TET2: variants seen among roughly 807,000 people sequenced by gnomAD.
TET2 encodes the protein tet methylcytosine dioxygenase 2.
In TET2, 299 loss-of-function variants were observed where a neutral mutation model predicts 142.9. The observed-to-expected ratio is 2.09, with a 90% CI of 1.90 to 2.30. The LOEUF (loss-of-function observed/expected upper bound fraction) is 2.30. TET2 is among the 30% of genes most tolerant of loss of function. The pLI, the probability that TET2 is intolerant of heterozygous loss-of-function variation, is 0.00. For missense variants in TET2, 2,418 were observed against 2,378.0 expected (o/e 1.02, Z -0.35); for synonymous variants, 819 against 849.0 (o/e 0.96, Z 0.61).
chr4:105,160,840 G>A (rs886460422), intron 1 of TET2, among the ~76,000 whole-genome samples: 1 of 152,094 alleles, frequency 6.6e-6, no homozygotes, highest in African/African-American at 2.4e-5. Context: ...GAAGCGGAGC[G>A]ATCTGGGCTC....
chr4:105,203,406 G>A (rs1444906474), intron 2 of TET2, among the ~76,000 whole-genome samples: 1 of 152,084 alleles, frequency 6.6e-6, no homozygotes, highest in Non-Finnish European at 1.5e-5. Flanking sequence ...TTTTAAAAAT[G>A]TTCTAAACAG....
At chr4:105,191,478 T>A (rs561818743) in intron 2 of TET2, among the ~76,000 whole-genome samples, 13 of 152,308 alleles carry the variant, frequency 8.5e-5, no homozygotes, top group African/African-American at 2.9e-4. Context: ...CAGGAGAGAC[T>A]CTGGATTAGA....
chr4:105,241,472 T>C, intron 4 of TET2, 43 bp downstream of exon 4: 4 of 1,520,482 alleles, frequency 2.6e-6, no homozygotes, highest in Non-Finnish European at 3.5e-6. Context: ...GTTTATCCTT[T>C]TGTATATGTC....
chr4:105,164,503 T>C, intron 1 of TET2, among the ~76,000 whole-genome samples: 1 of 152,230 alleles, frequency 6.6e-6, no homozygotes, highest in Non-Finnish European at 1.5e-5. Flanking sequence ...AAATATTTGT[T>C]TATTCTTCAA....
At chr4:105,187,289 A>G (rs1725515212) in intron 1 of TET2, among the ~76,000 whole-genome samples, 1 of 152,204 alleles carries the variant, frequency 6.6e-6, no homozygotes, top group South Asian at 2.1e-4. Flanking sequence ...CAGAAGGTAA[A>G]AACTCCTCTG....
Position 105,235,324 on chromosome 4 carries a change from A to G in TET2, c.1382A>G (p.Gln461Arg). 6.2e-7 allele frequency: 1 copy of G among 1,613,890 alleles called. No individual in the cohort carries two copies. Among genetic ancestry groups the G allele is most frequent in the Non-Finnish European group, 8.5e-7 (1 of 1,179,936 alleles). Residue 461 changes from glutamine to arginine, a missense_variant, in exon 3 of 11, where the codon CAG becomes CGG. Coordinates refer to ENST00000380013, the MANE Select transcript of TET2 (RefSeq NM_001127208.3). ...IEGKPEAPPSQSPNPSTHVCS... is the reference protein window; with the variant it reads ...IEGKPEAPPSRSPNPSTHVCS... ...GGTAAACCTGAGGCACCACCTTCCCAGAGTCCTAATCCATCTACACATGTA... is the reference window on the plus strand; with the variant it reads ...GGTAAACCTGAGGCACCACCTTCCCGGAGTCCTAATCCATCTACACATGTA...
intron 1 of TET2, chr4:105,177,644 T>G (rs903388453): frequency 7.2e-5 from 11 of 152,266 alleles, no homozygotes; most frequent in African/African-American, 2.2e-4. Context: ...CTGGTGAGAA[T>G]GTGGAGCAAC....
At position 105,235,634 on chromosome 4, in the gene TET2, GATTGA is replaced by G. The variant is rs773810711; in HGVS notation, c.1699_1703del (p.Leu567GlyfsTer14). The G allele has an allele frequency of 3.1e-6, 5 of 1,614,146 alleles. No individual in the cohort carries two copies. The highest frequency in any genetic ancestry group is 1.1e-5 in the South Asian group (1 of 91,082). On this transcript the variant is annotated frameshift_variant, in exon 3 of 11. Transcript: ENST00000380013. LOFTEE classifies it high-confidence loss of function. ...CACAGCACTATCTGAAACCAGGATG[GATTGA>G]ATTGAAGGCCCCTCGTTTTCACCAA...
rs538425978 is a variant in TET2, at chr4:105,234,168, C to G, written c.226C>G (p.Pro76Ala). 2 of 1,614,014 alleles carry G rather than the reference C, an allele frequency of 1.2e-6. No homozygotes were observed. The highest frequency in any genetic ancestry group is 1.7e-6 in the Non-Finnish European group (2 of 1,180,018). ...MKGSQNSRVS[P>A]DFTQESRGYS... ...GGGAAGCCAGAATAGTCGTGTGAGT[C>G]CTGACTTTACACAAGAAAGTAGAGG... The change falls in exon 3 of 11, where the codon CCT becomes GCT. Residue 76 changes from proline to alanine, a missense_variant. Transcript: ENST00000380013.
At chr4:105,192,269 C>T (rs1725834229) in intron 2 of TET2, among the ~76,000 whole-genome samples, 1 of 152,044 alleles carries the variant, frequency 6.6e-6, no homozygotes, top group Non-Finnish European at 1.5e-5. Flanking sequence ...ACAGGTAGCT[C>T]TCTGAGGAGT....
At chr4:105,233,861 T>G (rs2110218974) in intron 2 of TET2, 36 bp from the exon 3 acceptor site, 14 of 1,085,744 alleles carry the variant, frequency 1.3e-5, no homozygotes, top group African/African-American at 3.5e-5. Flanking sequence ...TAGATAGAAA[T>G]AAACACATTT....
chr4:105,182,602 C>T (rs189554842), intron 1 of TET2, among the ~76,000 whole-genome samples: 5 of 152,146 alleles, frequency 3.3e-5, no homozygotes, highest in East Asian at 1.9e-4. Context: ...TTTTCCTATA[C>T]GTTTTGAAAT....
At chr4:105,259,135 C>G (rs1444497440) in intron 6 of TET2, among the ~76,000 whole-genome samples, 3 of 152,098 alleles carry the variant, frequency 2.0e-5, no homozygotes, top group Non-Finnish European at 4.4e-5. Context: ...CCTATAGTTC[C>G]AGCTATTTGG....
At chr4:105,188,175 A>G (rs1725567928) in intron 1 of TET2, among the ~76,000 whole-genome samples, 1 of 152,254 alleles carries the variant, frequency 6.6e-6, no homozygotes, top group Non-Finnish European at 1.5e-5. Context: ...ACAATGGACT[A>G]TTATTCAACC....
chr4:105,206,101 T>G (rs758113409), intron 2 of TET2, among the ~76,000 whole-genome samples: 14 of 152,222 alleles, frequency 9.2e-5, no homozygotes, highest in Non-Finnish European at 1.8e-4. Flanking sequence ...TGGTAATGTC[T>G]GATTTTCTTT....
chr4:105,245,693 G>A (rs1729552233), intron 6 of TET2, among the ~76,000 whole-genome samples: 1 of 152,078 alleles, frequency 6.6e-6, no homozygotes, highest in Non-Finnish European at 1.5e-5. Flanking sequence ...TTTTAAAAAT[G>A]TATGTAGGTG....
Position 105,236,021 on chromosome 4 carries a change from A to C in TET2, c.2079A>C (p.Lys693Asn), listed in dbSNP as rs1300303832. ...FQQRADSQTE[K>N]LMSPVLKQHL... ...AAAGAGCAGATTCCCAAACTGAAAA[A>C]CTTATGTCCCCAGTGTTGAAACAGC... The change falls in exon 3 of 11, where the codon AAA becomes AAC. Residue 693 changes from lysine (K) to asparagine (N), a missense_variant. By Grantham distance (94) the Lys-to-Asn change is moderately conservative. Coordinates refer to ENST00000380013, the MANE Select transcript of TET2 (RefSeq NM_001127208.3). 1 of 1,613,992 alleles carries C rather than the reference A, an allele frequency of 6.2e-7. No homozygotes were observed. The highest frequency in any genetic ancestry group is 2.2e-5 in the East Asian group (1 of 44,888).
intron 1 of TET2, among the ~76,000 whole-genome samples, chr4:105,173,216 C>T (rs182993912): frequency 2.0e-5 from 3 of 152,086 alleles, no homozygotes; most frequent in East Asian, 3.9e-4. Flanking sequence ...GTTACCAAAA[C>T]GATAAGTTCC....
In TET2 at chr4:105,279,271, G is replaced by T. The variant is rs915558552; in HGVS notation, c.*2752G>T. On this transcript the variant is annotated 3_prime_UTR_variant, in exon 11 of 11. Coordinates refer to ENST00000380013, the MANE Select transcript of TET2 (RefSeq NM_001127208.3). Reference sequence around the variant, plus strand: ...CATTTGTTAAACTGCTGGCCAACAAGAACAGGAAGTATAGTTTGGGGGGTT... The same window carrying T: ...CATTTGTTAAACTGCTGGCCAACAATAACAGGAAGTATAGTTTGGGGGGTT... 11 of 231,912 alleles carry T rather than the reference G, an allele frequency of 4.7e-5. No homozygotes were observed. Among genetic ancestry groups the T allele is most frequent in the African/African-American group, 2.4e-4 (11 of 45,272 alleles). The allele number at this position is 231,912 out of a possible 1,614,324, so 14.4% of individuals were successfully genotyped here.
Sources: allele counts gnomAD v4.1 joint callset (sites outside exome capture counted in the v4.1 genomes callset), GRCh38; gene constraint gnomAD v4.1.1; transcripts MANE v1.5; gene names NCBI Gene and HGNC (gene_info 2026-07-23, HGNC 2026-07-21).